The following SHISAL1 variants were observed in gnomAD, a reference collection of about 807,000 sequenced individuals.
The protein encoded by SHISAL1 is protein shisa-like-1.
Under a neutral mutation model 22.6 loss-of-function variants are expected in SHISAL1, and 9 were observed. The ratio of observed to expected loss-of-function variants is 0.40; its 90% confidence interval spans 0.24 to 0.70. SHISAL1 has a LOEUF of 0.70. Ranked by LOEUF, SHISAL1 falls within the 30% of genes least tolerant of loss-of-function variation. The probability of loss-of-function intolerance (pLI) is 0.39; values close to 1 mark genes in which losing one functional copy is unlikely to be tolerated. For synonymous variants in SHISAL1, 119 were observed against 115.4 expected (o/e 1.03, Z -0.20); for missense variants, 246 against 270.6 (o/e 0.91, Z 0.64).
At chr22:44,309,544 C>G (rs1478047231) in intron 1 of SHISAL1, among the ~76,000 whole-genome samples, 3 of 152,132 alleles carry the variant, frequency 2.0e-5, no homozygotes, top group Non-Finnish European at 2.9e-5. Context: ...CACCCTCAGT[C>G]TCTCTGTTAC....
chr22:44,282,314 G>C (rs976035680), intron 4 of SHISAL1, among the ~76,000 whole-genome samples: 2 of 152,240 alleles, frequency 1.3e-5, no homozygotes, highest in Non-Finnish European at 2.9e-5. Context: ...GAACTCCTGG[G>C]CACTGAGGCA....
At chr22:44,293,629 T>G (rs2055367726) in intron 3 of SHISAL1, among the ~76,000 whole-genome samples, 1 of 152,080 alleles carries the variant, frequency 6.6e-6, no homozygotes, top group African/African-American at 2.4e-5. Context: ...CCCATCTGGG[T>G]TGGCTGCTGG....
chr22:44,288,648 G>C (rs547537501), intron 3 of SHISAL1, among the ~76,000 whole-genome samples: 29 of 152,172 alleles, frequency 1.9e-4, no homozygotes, highest in African/African-American at 7.0e-4. Context: ...CTCAAAAAAA[G>C]AAAAACAAAA....
chr22:44,278,723 C>T (rs2055256863), intron 4 of SHISAL1, among the ~76,000 whole-genome samples: 1 of 152,092 alleles, frequency 6.6e-6, no homozygotes, highest in Non-Finnish European at 1.5e-5. Context: ...CACAGGGGTC[C>T]CGATGCACCT....
chr22:44,278,810 A>G (rs1045204667), intron 4 of SHISAL1, among the ~76,000 whole-genome samples: 1 of 152,046 alleles, frequency 6.6e-6, no homozygotes, highest in African/African-American at 2.4e-5. Context: ...CGGCGGGAGG[A>G]GCAGCATAGG....
the SHISAL1 span, among the ~76,000 whole-genome samples, chr22:44,322,708 G>A: frequency 6.6e-6 from 1 of 152,114 alleles, no homozygotes; most frequent in African/African-American, 2.4e-5. Context: ...ACCAAACTGT[G>A]AGGGAACCAA....
At chr22:44,329,296 T>A in the SHISAL1 span, among the ~76,000 whole-genome samples, 3 of 152,070 alleles carry the variant, frequency 2.0e-5, no homozygotes, top group Non-Finnish European at 4.4e-5. Context: ...CTGGTCTCAC[T>A]CTGGGCAGGT....
chr22:44,254,216 T>C (rs571088796), intron 4 of SHISAL1, among the ~76,000 whole-genome samples: 5 of 148,772 alleles, frequency 3.4e-5, no homozygotes, highest in Non-Finnish European at 7.5e-5. Flanking sequence ...AAAGAATGAA[T>C]TGCCCAACTC....
intron 4 of SHISAL1, among the ~76,000 whole-genome samples, chr22:44,276,238 G>A (rs2147283943): frequency 6.6e-6 from 1 of 152,282 alleles, no homozygotes; most frequent in East Asian, 1.9e-4. Context: ...GAAGGGAGGA[G>A]TGAGCCCTGC....
At chr22:44,249,760 C>T (rs902350376) in intron 4 of SHISAL1, 75 bp from the exon 5 acceptor site, 46 of 770,886 alleles carry the variant, frequency 6.0e-5, no homozygotes, top group East Asian at 3.6e-4. Context: ...GCCTCAGTGC[C>T]GGAAGAAGCC....
intron 4 of SHISAL1, among the ~76,000 whole-genome samples, chr22:44,266,523 G>GGGGTAT (rs368696804): frequency 0.18 from 12,678 of 72,188 alleles, 981 homozygotes; most frequent in South Asian, 0.35. Context: ...TGGGGGCTTT[G>GGGGTAT]GGGTATGTGT....
At chr22:44,267,246 C>T (rs2147277722) in intron 4 of SHISAL1, among the ~76,000 whole-genome samples, 1 of 152,272 alleles carries the variant, frequency 6.6e-6, no homozygotes, top group South Asian at 2.1e-4. Flanking sequence ...GGGAGCGCCT[C>T]CTCCCCAGGC....
At chr22:44,267,068 A>C (rs1042627299) in intron 4 of SHISAL1, among the ~76,000 whole-genome samples, 20 of 152,124 alleles carry the variant, frequency 1.3e-4, no homozygotes, top group Admixed American at 2.6e-4. Context: ...CACGGATTGC[A>C]CCTGGGATGG....
chr22:44,296,596 G>C (rs2147298757), intron 3 of SHISAL1, 76 bp downstream of exon 3: 1 of 1,347,238 alleles, frequency 7.4e-7, no homozygotes, highest in Non-Finnish European at 1.1e-6. Context: ...GCCTCCCTAG[G>C]GGACGCGATT....
At chr22:44,262,780 G>A (rs1181126296) in intron 4 of SHISAL1, among the ~76,000 whole-genome samples, 1 of 152,238 alleles carries the variant, frequency 6.6e-6, no homozygotes, top group Non-Finnish European at 1.5e-5. Context: ...CCCACGGGGT[G>A]AGGAGGGTCT....
At position 44,310,203 on chromosome 22, in the gene SHISAL1, C is replaced by T. The variant is rs774880580; in HGVS notation, c.-33+2548G>A. Among the ~76,000 whole-genome samples, 8 of 152,322 alleles carry T rather than the reference C, an allele frequency of 5.3e-5. No homozygotes were observed. Among genetic ancestry groups the T allele is most frequent in the Middle Eastern group, 3.4e-3 (1 of 294 alleles). On this transcript the variant is annotated intron_variant, in intron 1 of 4. Coordinates refer to ENST00000381176, the MANE Select transcript of SHISAL1 (RefSeq NM_001099294.2). The surrounding 1 kb of genome is among the most constrained non-coding windows in gnomAD (Gnocchi z 4.0). The stretch of plus-strand genomic sequence containing the variant: ...GAACCCAGCCCTGCTGAGACCATTT[C>T]GTTTTTGCTCATCTCTATGGGCAGC...
intron 3 of SHISAL1, among the ~76,000 whole-genome samples, chr22:44,290,529 C>CAAAAAAAAAAAAAAAAAAAAAA (rs546640216): frequency 1.7e-4 from 14 of 84,306 alleles, no homozygotes; most frequent in African/African-American, 6.1e-4. Context: ...AACTCAGTCT[C>CAAAAAAAAAAAAAAAAAAAAAA]AAAAAAAAAA....
rs76729585 is a variant in SHISAL1, at chr22:44,308,513, A to G, written c.-33+4238T>C. ...CTAGGACCACCCTTCCCCTCTCCAA[A>G]GCCGTAGCCTGGAGGCTCATCCTGG... is the stretch of plus-strand genomic sequence containing the variant. On this transcript the variant is annotated intron_variant, in intron 1 of 4. Coordinates refer to ENST00000381176, the MANE Select transcript of SHISAL1 (RefSeq NM_001099294.2). Among the ~76,000 whole-genome samples the G allele has an allele frequency of 5.5e-3, 834 of 152,110 alleles. 3 individuals carry two copies. The highest frequency in any genetic ancestry group is 0.019 in the African/African-American group (779 of 41,498).
At chr22:44,324,381 A>G in the SHISAL1 span, among the ~76,000 whole-genome samples, 1 of 152,156 alleles carries the variant, frequency 6.6e-6, no homozygotes, top group Non-Finnish European at 1.5e-5. Flanking sequence ...TCATTTCCTC[A>G]TTCATTCAAC....
Sources: gnomAD v4.1 joint callset for allele counts (sites outside exome capture counted in the v4.1 genomes callset) on GRCh38, gnomAD v4.1.1 for gene constraint, Gnocchi (gnomAD v3.1) non-coding constraint, MANE v1.5 for transcripts, NCBI Gene and HGNC (gene_info 2026-07-23, HGNC 2026-07-21) for gene names.